Variants in EXOC6B observed in about 807,000 individuals in gnomAD.
EXOC6B encodes SEC15 homolog B.
Under a neutral mutation model 113.5 loss-of-function variants are expected in EXOC6B, and 54 were observed. The ratio of observed to expected loss-of-function variants is 0.48; its 90% confidence interval spans 0.38 to 0.60. EXOC6B has a LOEUF of 0.60. Ranked by LOEUF, EXOC6B falls within the 20% of genes least tolerant of loss-of-function variation. EXOC6B has a pLI of 0.00. For synonymous variants in EXOC6B, 357 were observed against 339.0 expected (o/e 1.05, Z -0.58); for missense variants, 797 against 977.5 (o/e 0.82, Z 2.46).
intron 7 of EXOC6B, among the ~76,000 whole-genome samples, chr2:72,571,701 T>C (rs1242015490): frequency 1.3e-5 from 2 of 152,300 alleles, no homozygotes; most frequent in East Asian, 3.9e-4. Flanking sequence ...GTTTTTTCAT[T>C]CAAAATGACA....
At chr2:72,541,429 TTCTTTC>T (rs1702595568) in intron 8 of EXOC6B, among the ~76,000 whole-genome samples, 1 of 152,202 alleles carries the variant, frequency 6.6e-6, no homozygotes, top group Admixed American at 6.5e-5. Flanking sequence ...TCTTCCTTCC[TTCTTTC>T]TCTTTCTGGC....
intron 18 of EXOC6B, among the ~76,000 whole-genome samples, chr2:72,424,652 T>C (rs926019584): frequency 7.2e-5 from 11 of 152,172 alleles, no homozygotes; most frequent in Non-Finnish European, 1.5e-4. Context: ...CTGGAAAAAC[T>C]GAGGCTATAA....
chr2:72,278,334 A>G (rs1342417810), intron 20 of EXOC6B, among the ~76,000 whole-genome samples: 1 of 152,168 alleles, frequency 6.6e-6, no homozygotes, highest in Non-Finnish European at 1.5e-5. Context: ...TTCCTTAATG[A>G]GAAATGTAGA....
chr2:72,260,081 G>A (rs1483493618), intron 20 of EXOC6B, among the ~76,000 whole-genome samples: 2 of 152,042 alleles, frequency 1.3e-5, no homozygotes, highest in Admixed American at 6.5e-5. Flanking sequence ...GAGACAGAGA[G>A]AGAGAGAGAA....
intron 8 of EXOC6B, among the ~76,000 whole-genome samples, chr2:72,536,404 T>C (rs1324574205): frequency 2.0e-5 from 3 of 152,226 alleles, no homozygotes; most frequent in African/African-American, 7.2e-5. Flanking sequence ...ATTACCATAT[T>C]TGAATATTGT....
At chr2:72,442,871 A>C (rs549700532) in intron 18 of EXOC6B, among the ~76,000 whole-genome samples, 1 of 152,356 alleles carries the variant, frequency 6.6e-6, no homozygotes, top group East Asian at 1.9e-4. Flanking sequence ...CATTCTTCAC[A>C]GAACTAGAAA....
intron 14 of EXOC6B, 47 bp downstream of exon 14, chr2:72,496,407 G>C: frequency 8.5e-7 from 1 of 1,170,408 alleles, no homozygotes; most frequent in Non-Finnish European, 1.3e-6. Context: ...AAGCTTTTAA[G>C]AGGATGCCAA....
intron 18 of EXOC6B, 52 bp from the exon 19 acceptor site, chr2:72,379,922 A>C: frequency 6.8e-7 from 1 of 1,473,950 alleles, no homozygotes; most frequent in East Asian, 2.4e-5. Context: ...CATAAATTAA[A>C]ATAAAATTTC....
chr2:72,393,269 T>G (rs1438400732), intron 18 of EXOC6B, among the ~76,000 whole-genome samples: 1 of 151,832 alleles, frequency 6.6e-6, no homozygotes, highest in Non-Finnish European at 1.5e-5. Flanking sequence ...AATTTTTGTA[T>G]TTTTTTAGTA....
intron 18 of EXOC6B, among the ~76,000 whole-genome samples, chr2:72,395,878 G>A (rs919220747): frequency 6.6e-6 from 1 of 151,956 alleles, no homozygotes; most frequent in African/African-American, 2.4e-5. Context: ...CACATAATTG[G>A]GGCTCAATGA....
intron 20 of EXOC6B, among the ~76,000 whole-genome samples, chr2:72,248,866 T>C (rs1573085417): frequency 1.3e-5 from 2 of 152,158 alleles, no homozygotes; most frequent in African/African-American, 4.8e-5. Flanking sequence ...TCTGGGTGAA[T>C]TGATCACTGT....
chr2:72,187,366 T>TGTG (rs1678507270), intron 20 of EXOC6B, among the ~76,000 whole-genome samples: 1 of 152,000 alleles, frequency 6.6e-6, no homozygotes, highest in African/African-American at 2.4e-5. Context: ...CCCAGCTCTT[T>TGTG]TAGCCTTACC....
In EXOC6B at chr2:72,375,107, G is replaced by A. The variant is rs1020065192; in HGVS notation, c.2122+4622C>T. Among the ~76,000 whole-genome samples, 22 of 151,996 alleles carry A rather than the reference G, an allele frequency of 1.4e-4. No individual in the cohort carries two copies. The East Asian group carries it at 4.1e-3, about 28-fold the overall frequency. ...GGTCATTTCATCATAATAATAATCA[G>A]TGCATCATAGGGACATATCAGTTCT... On this transcript the variant is annotated intron_variant, in intron 19 of 21. Coordinates refer to ENST00000272427, the MANE Select transcript of EXOC6B (RefSeq NM_015189.3).
intron 8 of EXOC6B, among the ~76,000 whole-genome samples, chr2:72,554,831 G>A (rs1008812993): frequency 5.3e-5 from 8 of 151,940 alleles, no homozygotes; most frequent in South Asian, 2.1e-4. Context: ...AGCTATACAC[G>A]TGCCATGTTG....
At chr2:72,279,312 C>A (rs577134287) in intron 20 of EXOC6B, among the ~76,000 whole-genome samples, 1 of 152,134 alleles carries the variant, frequency 6.6e-6, no homozygotes, top group Non-Finnish European at 1.5e-5. Flanking sequence ...CTCTGCTAGG[C>A]CTTCTGGAGT....
intron 18 of EXOC6B, among the ~76,000 whole-genome samples, chr2:72,460,691 T>TA (rs1189495838): frequency 1.3e-5 from 2 of 152,072 alleles, no homozygotes; most frequent in Admixed American, 6.6e-5. Flanking sequence ...TGGCAATCAT[T>TA]AAAAAATCAG....
chr2:72,425,580 C>A (rs953911316), intron 18 of EXOC6B, among the ~76,000 whole-genome samples: 1 of 152,142 alleles, frequency 6.6e-6, no homozygotes, highest in East Asian at 1.9e-4. Context: ...CTCCCCAAAT[C>A]TCCATTTTGC....
intron 8 of EXOC6B, among the ~76,000 whole-genome samples, chr2:72,543,077 G>A (rs1191965129): frequency 6.6e-6 from 1 of 152,126 alleles, no homozygotes; most frequent in Non-Finnish European, 1.5e-5. Flanking sequence ...AAAATGAGAA[G>A]TATGTTTCAG....
chr2:72,352,697 TA>T (rs1032980789), intron 19 of EXOC6B, among the ~76,000 whole-genome samples: 68 of 143,092 alleles, frequency 4.8e-4, no homozygotes, highest in South Asian at 6.6e-4. Flanking sequence ...ATGTCTTACT[TA>T]AAAAAAAAAA....
Sources: allele counts gnomAD v4.1 joint callset (sites outside exome capture counted in the v4.1 genomes callset), GRCh38; gene constraint gnomAD v4.1.1; transcripts MANE v1.5; gene names NCBI Gene and HGNC (gene_info 2026-07-23, HGNC 2026-07-21).